SH3YL1: variants seen among roughly 807,000 people sequenced by gnomAD.
SH3YL1 encodes SH3 domain-containing YSC84-like protein 1.
SH3YL1 carries 41 observed loss-of-function variants against 45.8 expected under a neutral mutation model. The observed-to-expected ratio is 0.89, with a 90% CI of 0.70 to 1.16. The LOEUF (loss-of-function observed/expected upper bound fraction) is 1.16. SH3YL1 is among the 50% of genes most tolerant of loss of function. The pLI is 0.00. For missense variants in SH3YL1, 389 were observed against 409.6 expected (o/e 0.95, Z 0.43); for synonymous variants, 152 against 151.4 (o/e 1.00, Z -0.03).
At chr2:232,980 A>T in intron 6 of SH3YL1, 121 bp downstream of exon 6, 2 of 729,246 alleles carry the variant, frequency 2.7e-6, no homozygotes, top group Non-Finnish European at 3.9e-6. Flanking sequence ...AATGTAAGAT[A>T]CACACTTAAA....
intron 3 of SH3YL1, among the ~76,000 whole-genome samples, chr2:248,275 A>G (rs1193771385): frequency 6.6e-6 from 1 of 152,134 alleles, no homozygotes; most frequent in East Asian, 1.9e-4. Context: ...TGTATTTTCA[A>G]TTTGGTGGGG....
At chr2:259,866 A>C (rs1287096025) in intron 1 of SH3YL1, 1 of 151,790 alleles carries the variant, frequency 6.6e-6, no homozygotes, top group Non-Finnish European at 1.5e-5. Context: ...GAAGATTTAG[A>C]GTGTCAAATA....
At chr2:230,918 C>G (rs895590251) in intron 7 of SH3YL1, 105 bp downstream of exon 7, 3 of 1,067,992 alleles carry the variant, frequency 2.8e-6, no homozygotes, top group South Asian at 1.3e-5. Context: ...AGTGAAACTA[C>G]GAAGGAGGCT....
chr2:253,902 A>G (rs1187207437), intron 1 of SH3YL1, among the ~76,000 whole-genome samples: 1 of 151,972 alleles, frequency 6.6e-6, no homozygotes, highest in Non-Finnish European at 1.5e-5. Flanking sequence ...TATCATCTCT[A>G]TTTCTCCTAA....
upstream of SH3YL1, chr2:264,761 C>T (rs1337736492): frequency 3.8e-5 from 21 of 551,804 alleles, 1 homozygote; most frequent in Non-Finnish European, 5.3e-5. Flanking sequence ...ACCCGCGGAC[C>T]CTCCCCGCCC....
chr2:238,260 TGTGTGTGTG>T (rs1668392844), intron 4 of SH3YL1, among the ~76,000 whole-genome samples: 1 of 2,550 alleles, frequency 3.9e-4, no homozygotes, highest in Non-Finnish European at 1.4e-3. Context: ...CCTCCCTCCT[TGTGTGTGTG>T]TGTGTGTGTG....
intron 4 of SH3YL1, among the ~76,000 whole-genome samples, chr2:247,198 C>T (rs1374085664): frequency 6.6e-6 from 1 of 152,202 alleles, no homozygotes; most frequent in Non-Finnish European, 1.5e-5. Flanking sequence ...AATTTCAATG[C>T]CCACTGAAGG....
chr2:264,004 C>A lies in SH3YL1; in HGVS notation c.-20G>T. On this transcript the variant is annotated 5_prime_UTR_variant, in exon 1 of 10. Transcript: ENST00000356150. ...CTCACTGCTGCCCGCCCGGCCGCGG[C>A]GCCCCGTCCCGAGGCTGCCCAGGAA... 1 of 1,446,076 alleles carries A rather than the reference C, an allele frequency of 6.9e-7. No individual in the cohort carries two copies. Among genetic ancestry groups the A allele is most frequent in the Non-Finnish European group, 9.1e-7 (1 of 1,093,322 alleles). 89.6% of individuals were successfully genotyped at this position (1,446,076 alleles called of 1,614,324 possible). A position where few individuals can be genotyped will look rare whatever the true frequency, so the allele number is the denominator to read the frequency against.
At chr2:256,081 T>C (rs752248908) in intron 1 of SH3YL1, 4 of 152,274 alleles carry the variant, frequency 2.6e-5, no homozygotes, top group Admixed American at 6.5e-5. Flanking sequence ...TGGTCACTCC[T>C]ATACCCAGCC....
chr2:260,314 AT>A (rs1669536033), intron 1 of SH3YL1: 1 of 152,164 alleles, frequency 6.6e-6, no homozygotes. Flanking sequence ...GCTGCTGAAT[AT>A]TTCATCTACT....
intron 2 of SH3YL1, among the ~76,000 whole-genome samples, chr2:250,477 CAT>C (rs1476046499): frequency 7.2e-5 from 11 of 152,266 alleles, no homozygotes; most frequent in East Asian, 3.9e-4. Flanking sequence ...GGTTTATTCA[CAT>C]GTCAGAGATG....
At chr2:228,138 G>T (rs1667865693) in intron 8 of SH3YL1, among the ~76,000 whole-genome samples, 2 of 152,230 alleles carry the variant, frequency 1.3e-5, no homozygotes, top group South Asian at 4.1e-4. Context: ...AAGGTGGAGG[G>T]AGGAGGAGTG....
intron 4 of SH3YL1, chr2:243,436 C>A: frequency 7.0e-7 from 1 of 1,425,266 alleles, no homozygotes; most frequent in Non-Finnish European, 9.3e-7. Context: ...ACAAATGGCT[C>A]AAAGAAGAAA....
Position 218,278 on chromosome 2 carries a change from C to T in SH3YL1, c.*533G>A, listed in dbSNP as rs1048236911. On this transcript the variant is annotated 3_prime_UTR_variant, in exon 10 of 10. Coordinates refer to ENST00000356150, the MANE Select transcript of SH3YL1 (RefSeq NM_015677.4). ...TTGAGAGATGCCATATGTTTAAAGA[C>T]ATGGTAGTCAGACTTCTTTGTAATC... The T allele has an allele frequency of 1.3e-5, 2 of 152,196 alleles. No individual in the cohort carries two copies. Among genetic ancestry groups the T allele is most frequent in the African/African-American group, 2.4e-5 (1 of 41,418 alleles). 9.4% of individuals were successfully genotyped at this position (152,196 alleles called of 1,614,324 possible).
At chr2:241,050 G>A (rs559689751) in intron 4 of SH3YL1, 3 of 152,234 alleles carry the variant, frequency 2.0e-5, no homozygotes, top group East Asian at 3.9e-4. Context: ...GGAAGCAGAC[G>A]AGAATGACTG....
rs1043263234 is a variant in SH3YL1, at chr2:230,846, C to T, written c.702+177G>A. 8 of 613,822 alleles carry T rather than the reference C, an allele frequency of 1.3e-5. No homozygotes were observed. In the African/African-American group the frequency reaches 1.5e-4, roughly 11 times the overall value. 38.0% of individuals were successfully genotyped at this position (613,822 alleles called of 1,614,324 possible). ...ATCACAGAGGACAAATTATGTTTTT[C>T]CCTGAAATCTGTACAGAGGAAATGT... On this transcript the variant is annotated intron_variant, in intron 7 of 9. Transcript: ENST00000356150.
Position 229,947 on chromosome 2 carries a change from T to G in SH3YL1, c.781+19A>C. The G allele has an allele frequency of 6.3e-7, 1 of 1,596,722 alleles. No individual in the cohort carries two copies. Among genetic ancestry groups the G allele is most frequent in the Non-Finnish European group, 8.6e-7 (1 of 1,164,990 alleles). Reference sequence around the variant, plus strand: ...TTACTTAATTACAACTGTATTTGAATTGCAACAAAAATATTTACTTTGAGA... The same window carrying G: ...TTACTTAATTACAACTGTATTTGAAGTGCAACAAAAATATTTACTTTGAGA... On this transcript the variant is annotated intron_variant, in intron 8 of 9. Transcript: ENST00000356150.
chr2:218,775 T>C lies in SH3YL1; in HGVS notation c.*36A>G. 6.7e-7 allele frequency: 1 copy of C among 1,499,388 alleles called. No homozygotes were observed. Among genetic ancestry groups the C allele is most frequent in the Non-Finnish European group, 9.0e-7 (1 of 1,111,616 alleles). 92.9% of individuals were successfully genotyped at this position (1,499,388 alleles called of 1,614,324 possible). On this transcript the variant is annotated 3_prime_UTR_variant, in exon 10 of 10. Transcript: ENST00000356150. The stretch of plus-strand genomic sequence containing the variant: ...AAATCCTGTCAGTGTAGAAATAATT[T>C]TTTTGTAATTCTCAAAGAAGAAAAT...
At chr2:254,214 T>C (rs1669208268) in intron 1 of SH3YL1, among the ~76,000 whole-genome samples, 2 of 152,220 alleles carry the variant, frequency 1.3e-5, no homozygotes, top group African/African-American at 4.8e-5. Context: ...ACTTGGGAAT[T>C]GAGCCTACAA....
Sources: gnomAD v4.1 joint callset for allele counts (sites outside exome capture counted in the v4.1 genomes callset) on GRCh38, gnomAD v4.1.1 for gene constraint, MANE v1.5 for transcripts, NCBI Gene and HGNC (gene_info 2026-07-23, HGNC 2026-07-21) for gene names.